Variants in ASH1L observed in about 807,000 individuals in gnomAD.
ASH1L encodes the protein histone-lysine N-methyltransferase ASH1L.
Under a neutral mutation model 269.0 loss-of-function variants are expected in ASH1L, and 23 were observed. The ratio of observed to expected loss-of-function variants is 0.09; its 90% CI spans 0.06 to 0.12. The LOEUF (loss-of-function observed/expected upper bound fraction) is 0.12, where lower values mean the gene tolerates loss of function less well. ASH1L is among the 10% of genes least tolerant of loss of function. The pLI is 1.00. For synonymous variants in ASH1L, 1,187 were observed against 1,253.5 expected (o/e 0.95, Z 1.12); for missense variants, 2,912 against 3,567.8 (o/e 0.82, Z 4.68).
intron 2 of ASH1L, among the ~76,000 whole-genome samples, chr1:155,502,950 T>A (rs1032483874): frequency 1.3e-5 from 2 of 152,208 alleles, no homozygotes; most frequent in African/African-American, 4.8e-5. Flanking sequence ...CTAACCTTCA[T>A]AATTGCCCTA....
At position 155,484,946 on chromosome 1, in the gene ASH1L, A is replaced by C. The variant is rs1355047607; in HGVS notation, c.421-2497T>G. On this transcript the variant is annotated intron_variant, in intron 2 of 27. Transcript: ENST00000392403. ...TCTGTCTCAAAAAAAAAAAAAAACA[A>C]AAACAAAAACAAAAACAAAAACCAA... Among the ~76,000 whole-genome samples the C allele has an allele frequency of 3.4e-4, 49 of 142,158 alleles. 1 individual carries two copies. The highest frequency in any genetic ancestry group is 1.1e-3 in the African/African-American group (38 of 35,772). 93.3% of individuals were successfully genotyped at this position (142,158 alleles called of 152,430 possible).
chr1:155,433,886 A>G (rs1402423737), intron 5 of ASH1L: 2 of 1,601,646 alleles, frequency 1.2e-6, no homozygotes, highest in African/African-American at 1.3e-5. Context: ...AAAGCGAACC[A>G]GTATCGAGAA....
chr1:155,553,475 CA>C (rs1283271289), intron 1 of ASH1L, among the ~76,000 whole-genome samples: 1 of 152,166 alleles, frequency 6.6e-6, no homozygotes, highest in Non-Finnish European at 1.5e-5. Flanking sequence ...CACAGGAAAT[CA>C]TAAGAGAATG....
intron 7 of ASH1L, among the ~76,000 whole-genome samples, chr1:155,385,185 T>C (rs1657325076): frequency 1.3e-5 from 2 of 152,212 alleles, no homozygotes; most frequent in African/African-American, 2.4e-5. Context: ...GGCTCACGCC[T>C]GTAAACCCAG....
At chr1:155,461,887 C>T (rs753993207) in intron 3 of ASH1L, among the ~76,000 whole-genome samples, 30 of 151,546 alleles carry the variant, frequency 2.0e-4, no homozygotes, top group Non-Finnish European at 2.9e-5. Context: ...AAACCTCTGC[C>T]TCCCGGGTTC....
At chr1:155,501,852 G>A (rs574580314) in intron 2 of ASH1L, among the ~76,000 whole-genome samples, 4 of 151,910 alleles carry the variant, frequency 2.6e-5, no homozygotes, top group Admixed American at 1.3e-4. Context: ...TAGTAGAAAC[G>A]GGGTTTCACC....
At chr1:155,504,445 G>A (rs142448461) in intron 2 of ASH1L, among the ~76,000 whole-genome samples, 1 of 152,210 alleles carries the variant, frequency 6.6e-6, no homozygotes, top group African/African-American at 2.4e-5. Flanking sequence ...GAAGCTCTAC[G>A]AATCTGCCCC....
chr1:155,378,824 A>G (rs1656694346), intron 8 of ASH1L, among the ~76,000 whole-genome samples: 1 of 152,228 alleles, frequency 6.6e-6, no homozygotes, highest in African/African-American at 2.4e-5. Context: ...GGATAGACTT[A>G]AATGAAAATC....
At chr1:155,367,729 C>T (rs1010435334) in intron 12 of ASH1L, among the ~76,000 whole-genome samples, 2 of 151,910 alleles carry the variant, frequency 1.3e-5, no homozygotes, top group African/African-American at 4.8e-5. Context: ...GTCTTTAGTC[C>T]ATTATTGTGA....
intron 6 of ASH1L, among the ~76,000 whole-genome samples, chr1:155,414,721 T>G (rs114433068): frequency 6.6e-6 from 1 of 152,204 alleles, no homozygotes; most frequent in Non-Finnish European, 1.5e-5. Flanking sequence ...CCCTAAACTT[T>G]CAAGTTGTTT....
At chr1:155,547,674 G>A (rs1446994633) in intron 1 of ASH1L, among the ~76,000 whole-genome samples, 1 of 151,742 alleles carries the variant, frequency 6.6e-6, no homozygotes, top group Non-Finnish European at 1.5e-5. Context: ...GGTGAGCTGA[G>A]ATCATGATGT....
At chr1:155,439,146 G>T in intron 4 of ASH1L, 78 bp from the exon 5 acceptor site, 2 of 1,389,124 alleles carry the variant, frequency 1.4e-6, no homozygotes, top group Non-Finnish European at 2.0e-6. Context: ...ACAGATAAAA[G>T]GGAGTACTAC....
At chr1:155,351,256 A>C (rs561125631) in intron 17 of ASH1L, among the ~76,000 whole-genome samples, 2 of 150,540 alleles carry the variant, frequency 1.3e-5, no homozygotes, top group South Asian at 4.2e-4. Context: ...AAAAAAAAAA[A>C]AAAATTAGTT....
chr1:155,525,598 A>C (rs926743982), intron 1 of ASH1L, among the ~76,000 whole-genome samples: 5 of 152,010 alleles, frequency 3.3e-5, no homozygotes, highest in African/African-American at 1.2e-4. Flanking sequence ...TAACACTTGC[A>C]GGGAATTTTT....
At chr1:155,428,993 C>T (rs757699813) in intron 5 of ASH1L, among the ~76,000 whole-genome samples, 3 of 151,988 alleles carry the variant, frequency 2.0e-5, no homozygotes, top group East Asian at 1.9e-4. Flanking sequence ...TCTCCCCGAC[C>T]GAGCTGGTCT....
rs937553998 is a variant in ASH1L at position 155,343,943 on chromosome 1, G to C, written c.7982-201C>G. On this transcript the variant is annotated intron_variant, in intron 22 of 27. Transcript: ENST00000392403. The surrounding 1 kb of genome is among the most constrained non-coding windows in gnomAD (Gnocchi z 6.1). ...ATATAAGGGAGGCATTCCATTTCTT[G>C]AGCTTCCTATATGTTTTTCCCAGTC... is the stretch of plus-strand genomic sequence containing the variant. Among the ~76,000 whole-genome samples the C allele has an allele frequency of 6.6e-6, 1 of 152,164 alleles. No individual in the cohort carries two copies. Among genetic ancestry groups the C allele is most frequent in the Admixed American group, 6.5e-5 (1 of 15,280 alleles).
chr1:155,439,160 A>G (rs1172197207), intron 4 of ASH1L, 92 bp from the exon 5 acceptor site: 5 of 1,279,590 alleles, frequency 3.9e-6, no homozygotes, highest in East Asian at 4.8e-5. Flanking sequence ...GTACTACTCT[A>G]TTTTCCATAG....
intron 2 of ASH1L, among the ~76,000 whole-genome samples, chr1:155,483,253 C>T (rs189985475): frequency 4.0e-4 from 61 of 152,220 alleles, no homozygotes; most frequent in Admixed American, 6.5e-4. Flanking sequence ...GATAGGAAGA[C>T]ATAAAGACGA....
intron 7 of ASH1L, among the ~76,000 whole-genome samples, chr1:155,386,755 T>C (rs537772667): frequency 1.2e-3 from 183 of 152,234 alleles, no homozygotes; most frequent in African/African-American, 4.4e-3. Flanking sequence ...TGCTGGATAT[T>C]AGATCTTTGT....
Sources: allele counts gnomAD v4.1 joint callset (sites outside exome capture counted in the v4.1 genomes callset), GRCh38; gene constraint gnomAD v4.1.1; non-coding constraint Gnocchi (gnomAD v3.1); transcripts MANE v1.5; gene names NCBI Gene and HGNC (gene_info 2026-07-23, HGNC 2026-07-21).